The following ARMC10 variants were observed in gnomAD, a reference collection of about 807,000 sequenced individuals.
ARMC10 encodes the protein armadillo repeat-containing protein 10.
A neutral mutation model predicts 30.2 loss-of-function variants in ARMC10; 23 were observed. The observed-to-expected ratio is 0.76, with a 90% CI of 0.55 to 1.08. The LOEUF (loss-of-function observed/expected upper bound fraction) is 1.08, where lower values mean the gene tolerates loss of function less well. ARMC10 is among the 50% of genes least tolerant of loss of function. The pLI, the probability that ARMC10 is intolerant of heterozygous loss-of-function variation, is 0.00. For synonymous variants in ARMC10, 111 were observed against 164.4 expected (o/e 0.68, Z 2.48); for missense variants, 303 against 413.7 (o/e 0.73, Z 2.32).
chr7:103,087,722 T>C (rs1296701441), intron 4 of ARMC10: 2 of 962,110 alleles, frequency 2.1e-6, no homozygotes, highest in East Asian at 1.1e-4. Context: ...GATGGCAAGA[T>C]TTGTAAGAGG....
intron 5 of ARMC10, 85 bp from the exon 6 acceptor site, chr7:103,097,192 G>C: frequency 8.7e-7 from 1 of 1,146,582 alleles, no homozygotes; most frequent in South Asian, 1.2e-5. Flanking sequence ...GACTTTAACA[G>C]GAAGACATGG....
intron 2 of ARMC10, among the ~76,000 whole-genome samples, chr7:103,079,043 G>A (rs1350708479): frequency 6.6e-6 from 1 of 152,086 alleles, no homozygotes; most frequent in Non-Finnish European, 1.5e-5. Context: ...TTGTACTAAC[G>A]TGGTTTGAGA....
intron 4 of ARMC10, among the ~76,000 whole-genome samples, chr7:103,091,966 A>G (rs534230546): frequency 6.6e-6 from 1 of 152,344 alleles, no homozygotes; most frequent in Non-Finnish European, 1.5e-5. Flanking sequence ...TATTTGTAAA[A>G]TGCTAAGCAC....
intron 3 of ARMC10, among the ~76,000 whole-genome samples, chr7:103,086,142 A>AC (rs914110669): frequency 2.2e-4 from 34 of 151,762 alleles, no homozygotes; most frequent in African/African-American, 7.3e-4. Context: ...ATGGGAAACC[A>AC]CCCCCCCTTA....
intron 5 of ARMC10, chr7:103,095,699 G>A (rs902208695): frequency 6.6e-6 from 1 of 152,060 alleles, no homozygotes. Context: ...GTCCAACAAT[G>A]ATAGACTGGA....
chr7:103,092,330 C>CA (rs772073727), intron 4 of ARMC10, 147 bp from the exon 5 acceptor site: 114,124 of 233,352 alleles, frequency 0.49, 23,718 homozygotes, highest in Admixed American at 0.61. Flanking sequence ...GACTCCGTCT[C>CA]AAAAAAAAAA....
At chr7:103,091,931 G>A (rs1187662820) in intron 4 of ARMC10, among the ~76,000 whole-genome samples, 1 of 152,238 alleles carries the variant, frequency 6.6e-6, no homozygotes, top group Non-Finnish European at 1.5e-5. Flanking sequence ...ACTCATTAGA[G>A]TTGTCTTCAG....
intron 4 of ARMC10, among the ~76,000 whole-genome samples, chr7:103,091,033 C>T (rs1356264620): frequency 6.6e-6 from 1 of 152,104 alleles, no homozygotes; most frequent in Non-Finnish European, 1.5e-5. Context: ...CTTACCACTT[C>T]AAATTAGGAA....
At position 103,075,521 on chromosome 7, in the gene ARMC10, GGA is replaced by G. The variant is rs1021735264; in HGVS notation, c.139+114_139+115del. On this transcript the variant is annotated intron_variant, in intron 1 of 6. Coordinates refer to ENST00000323716, the MANE Select transcript of ARMC10 (RefSeq NM_031905.5). ...GGTAAAATGAGGAGCCGAGCTAGAG[GGA>G]GAGGCAGTACTTGTGTGAGTGCAGG... is the stretch of plus-strand genomic sequence containing the variant. 1.1e-5 allele frequency: 12 copies of G among 1,129,386 alleles called. No individual in the cohort carries two copies. In the Admixed American group the frequency reaches 1.2e-4, roughly 12 times the overall value. 70.0% of individuals were successfully genotyped at this position (1,129,386 alleles called of 1,614,324 possible).
intron 4 of ARMC10, among the ~76,000 whole-genome samples, chr7:103,089,808 G>A (rs2129523383): frequency 6.6e-6 from 1 of 152,314 alleles, no homozygotes; most frequent in Middle Eastern, 3.4e-3. Flanking sequence ...GCAATATTAG[G>A]AAATTATGTT....
intron 2 of ARMC10, chr7:103,081,748 A>G: frequency 1.1e-5 from 4 of 364,312 alleles, no homozygotes; most frequent in South Asian, 8.5e-5. Flanking sequence ...AATATGGATG[A>G]GTTAAATTTA....
chr7:103,075,494 G>C, intron 1 of ARMC10, 83 bp downstream of exon 1: 6 of 1,227,224 alleles, frequency 4.9e-6, no homozygotes, highest in Non-Finnish European at 6.2e-6. Flanking sequence ...GCGTGTGCTC[G>C]GGGTAAAATG....
At chr7:103,084,423 T>G (rs933925874) in intron 3 of ARMC10, among the ~76,000 whole-genome samples, 3 of 152,244 alleles carry the variant, frequency 2.0e-5, no homozygotes, top group Non-Finnish European at 4.4e-5. Context: ...TACAAAATTA[T>G]TTTGAATTTA....
At position 103,083,794 on chromosome 7, in the gene ARMC10, T is replaced by A. The variant is rs200030413; in HGVS notation, c.357T>A (p.Ile119=). ...CTGTAATTATTGAAAGAGCTTTGAT[T>A]ACTTTGGGTAACAATGCAGCCTTTT... ...EDPVIIERAL[I]TLGNNAAFSV... The change falls in exon 3 of 7, where the codon ATT becomes ATA. Residue 119 remains isoleucine (I), a synonymous_variant. Transcript: ENST00000323716. 3.1e-6 allele frequency: 5 copies of A among 1,614,166 alleles called. No individual in the cohort carries two copies. In the East Asian group the frequency reaches 1.1e-4, roughly 36 times the overall value.
At chr7:103,096,267 A>C (rs1346626151) in intron 5 of ARMC10, 1 of 152,160 alleles carries the variant, frequency 6.6e-6, no homozygotes, top group South Asian at 2.1e-4. Flanking sequence ...TTGGGAGGCC[A>C]AAGTGAGAGG....
chr7:103,077,710 A>G (rs1800015361), intron 2 of ARMC10, among the ~76,000 whole-genome samples: 1 of 152,166 alleles, frequency 6.6e-6, no homozygotes, highest in Non-Finnish European at 1.5e-5. Flanking sequence ...TACAAAGCCT[A>G]ATTTGTTGTC....
At chr7:103,084,098 C>A (rs1419914196) in intron 3 of ARMC10, 5 of 1,352,290 alleles carry the variant, frequency 3.7e-6, no homozygotes, top group South Asian at 1.3e-5. Flanking sequence ...CATTTCATGG[C>A]CTTTTAAATT....
chr7:103,086,552 G>A, intron 3 of ARMC10, 78 bp from the exon 4 acceptor site: 1 of 1,425,376 alleles, frequency 7.0e-7, no homozygotes, highest in Admixed American at 2.5e-5. Context: ...AATTGTATTT[G>A]TGGATGCAAA....
At chr7:103,087,179 T>C in intron 4 of ARMC10, among the ~76,000 whole-genome samples, 1 of 152,234 alleles carries the variant, frequency 6.6e-6, no homozygotes, top group Non-Finnish European at 1.5e-5. Flanking sequence ...TGTTAATGCA[T>C]ACAGTTTGGC....
Sources: gnomAD v4.1 joint callset for allele counts (sites outside exome capture counted in the v4.1 genomes callset) on GRCh38, gnomAD v4.1.1 for gene constraint, MANE v1.5 for transcripts, NCBI Gene and HGNC (gene_info 2026-07-23, HGNC 2026-07-21) for gene names.